Variants in CCNY observed in about 807,000 individuals in gnomAD.
CCNY encodes the protein cyclin-Y.
CCNY carries 19 observed loss-of-function variants against 42.8 expected under a neutral mutation model. That is an observed-to-expected ratio of 0.44 (90% CI 0.31 to 0.65). The LOEUF (loss-of-function observed/expected upper bound fraction) is 0.65. Ranked by LOEUF, CCNY falls within the 30% of genes least tolerant of loss-of-function variation. CCNY has a pLI of 0.07. For synonymous variants in CCNY, 165 were observed against 162.7 expected, an observed-to-expected ratio of 1.01 and a Z score of -0.11; for missense variants, 370 against 437.3, an observed-to-expected ratio of 0.85 and a Z score of 1.37.
intron 1 of CCNY, among the ~76,000 whole-genome samples, chr10:35,339,884 A>G (rs1004318919): frequency 6.6e-6 from 1 of 152,132 alleles, no homozygotes; most frequent in Non-Finnish European, 1.5e-5. Flanking sequence ...TTGATATTGG[A>G]CTCATGCTTT....
chr10:35,565,399 T>A (rs974657138), intron 8 of CCNY, among the ~76,000 whole-genome samples: 3 of 152,168 alleles, frequency 2.0e-5, no homozygotes, highest in Admixed American at 1.3e-4. Flanking sequence ...CTGTCTGTTC[T>A]AACAAGCCCA....
chr10:35,484,748 G>A (rs1007026919), intron 2 of CCNY, among the ~76,000 whole-genome samples: 2 of 152,102 alleles, frequency 1.3e-5, no homozygotes, highest in Admixed American at 1.3e-4. Context: ...AAGAAACATA[G>A]TACTATAAAA....
At chr10:35,410,680 CAAG>C (rs1233031503) in intron 1 of CCNY, among the ~76,000 whole-genome samples, 2 of 152,154 alleles carry the variant, frequency 1.3e-5, no homozygotes, top group African/African-American at 2.4e-5. Flanking sequence ...AGCTTAAGTT[CAAG>C]AAGAAGAAAT....
At chr10:35,384,067 C>T (rs1254113481) in intron 1 of CCNY, among the ~76,000 whole-genome samples, 1 of 152,114 alleles carries the variant, frequency 6.6e-6, no homozygotes, top group African/African-American at 2.4e-5. Context: ...AATTACAACT[C>T]CCTCACCATA....
intron 1 of CCNY, among the ~76,000 whole-genome samples, chr10:35,378,607 A>T (rs990230819): frequency 1.3e-5 from 2 of 152,086 alleles, no homozygotes; most frequent in African/African-American, 4.8e-5. Context: ...GAAGGACAGT[A>T]GAAGAGCAGA....
At chr10:35,456,943 A>G (rs1839049076) in intron 1 of CCNY, among the ~76,000 whole-genome samples, 1 of 152,186 alleles carries the variant, frequency 6.6e-6, no homozygotes, top group Non-Finnish European at 1.5e-5. Flanking sequence ...AAGAGGTTGA[A>G]TTGTTCTGCT....
chr10:35,319,658 G>T (rs1174876357), intron 3 of CCNY, among the ~76,000 whole-genome samples: 1 of 152,022 alleles, frequency 6.6e-6, no homozygotes. Flanking sequence ...GGTGAATTAC[G>T]AGGTCAGGAG....
At position 35,572,262 on chromosome 10, in the gene CCNY, C is replaced by T; in HGVS notation, c.*3092C>T. The T allele has an allele frequency of 6.6e-6, 1 of 152,156 alleles. No individual in the cohort carries two copies. Among genetic ancestry groups the T allele is most frequent in the Middle Eastern group, 3.4e-3 (1 of 294 alleles). The allele number at this position is 152,156 out of a possible 1,614,324, so 9.4% of individuals were successfully genotyped here. A position where few individuals can be genotyped will look rare whatever the true frequency, so the allele number is the denominator to read the frequency against. ...CTTTTGGTAACTTCTCACCTGGGGC[C>T]ATATTTTACAGATTTGAATTTTTTT... On this transcript the variant is annotated 3_prime_UTR_variant, in exon 10 of 10. Coordinates refer to ENST00000374704, the MANE Select transcript of CCNY (RefSeq NM_145012.6).
chr10:35,315,448 C>T (rs542980391), intron 3 of CCNY: 1 of 152,170 alleles, frequency 6.6e-6, no homozygotes, highest in East Asian at 1.9e-4. Flanking sequence ...TAATCTCATT[C>T]TTTTTTATGG....
At chr10:35,301,460 C>T (rs968746599) in intron 3 of CCNY, among the ~76,000 whole-genome samples, 1 of 152,138 alleles carries the variant, frequency 6.6e-6, no homozygotes, top group Non-Finnish European at 1.5e-5. Context: ...CACTTCACTT[C>T]CATGTAGTCC....
chr10:35,497,133 A>G (rs1470242377), intron 2 of CCNY, among the ~76,000 whole-genome samples: 1 of 152,218 alleles, frequency 6.6e-6, no homozygotes, highest in Non-Finnish European at 1.5e-5. Flanking sequence ...ATCCATATCA[A>G]TTTATTGCCT....
chr10:35,368,869 G>C (rs1836868437), intron 1 of CCNY, among the ~76,000 whole-genome samples: 2 of 152,186 alleles, frequency 1.3e-5, no homozygotes, highest in South Asian at 4.1e-4. Context: ...AGGTACCAGA[G>C]GAAGTGAGGC....
rs71523373 is a variant in CCNY, at chr10:35,291,528, CTTT to C, written c.-9+40921_-9+40923del. 3.3e-3 allele frequency among the ~76,000 whole-genome samples: 358 copies of C among 109,298 alleles called. 3 individuals are homozygous for C. Among genetic ancestry groups the C allele is most frequent in the African/African-American group, 0.013 (349 of 27,300 alleles). 71.7% of individuals were successfully genotyped at this position (109,298 alleles called of 152,430 possible). Reference sequence around the variant, plus strand: ...TGCTACAGCATTTGTGTACGACTTCCTTTTTTTTTTTTTTTTTTTTTGAGACAG... The same window carrying C: ...TGCTACAGCATTTGTGTACGACTTCCTTTTTTTTTTTTTTTTTTGAGACAG... On this transcript the variant is annotated intron_variant, in intron 3 of 11. Transcript: ENST00000374706.
At position 35,556,630 on chromosome 10, in the gene CCNY, G is replaced by T. The variant is rs1225066983; in HGVS notation, c.746+3445G>T. 2.0e-5 allele frequency among the ~76,000 whole-genome samples: 3 copies of T among 152,138 alleles called. No homozygotes were observed. The East Asian group carries it at 5.8e-4, about 29-fold the overall frequency. On this transcript the variant is annotated intron_variant, in intron 8 of 9. Coordinates refer to ENST00000374704, the MANE Select transcript of CCNY (RefSeq NM_145012.6). Reference sequence around the variant, plus strand: ...CCTGACAGAAGATTGGAGGGAGCATGGAGCTTCCTTCTGATAGGGGTAATA... The same window carrying T: ...CCTGACAGAAGATTGGAGGGAGCATTGAGCTTCCTTCTGATAGGGGTAATA...
intron 3 of CCNY, among the ~76,000 whole-genome samples, chr10:35,277,966 G>T (rs1335117291): frequency 6.6e-6 from 1 of 152,176 alleles, no homozygotes; most frequent in African/African-American, 2.4e-5. Context: ...AGCCAATAAT[G>T]ATCTCTAAGT....
Position 35,530,313 on chromosome 10 carries a change from C to T in CCNY, c.579+70C>T, listed in dbSNP as rs1389169082. On this transcript the variant is annotated intron_variant, in intron 7 of 9. Transcript: ENST00000374704. This position sits in a 1 kb window ranked among gnomAD's most constrained non-coding sequence, Gnocchi z 4.3. ...TCCAGGGCCCGTTCCTGTTACTCAG[C>T]GGAGTGAGGTTGGAGCAGGGAATCC... The T allele has an allele frequency of 1.3e-5, 20 of 1,594,404 alleles. No homozygotes were observed. The highest frequency in any genetic ancestry group is 1.2e-4 in the South Asian group (11 of 90,032).
chr10:35,316,692 A>G (rs1440172101), intron 3 of CCNY, among the ~76,000 whole-genome samples: 2 of 152,230 alleles, frequency 1.3e-5, no homozygotes, highest in Non-Finnish European at 2.9e-5. Flanking sequence ...TGGTTGTAAA[A>G]TTGTTTTAGT....
At chr10:35,369,810 C>G (rs1191741108) in intron 1 of CCNY, among the ~76,000 whole-genome samples, 2 of 152,108 alleles carry the variant, frequency 1.3e-5, no homozygotes, top group East Asian at 3.8e-4. Flanking sequence ...AATTTCTAAT[C>G]AATATTTTTA....
chr10:35,421,478 C>T (rs1838157811), intron 1 of CCNY, among the ~76,000 whole-genome samples: 2 of 152,150 alleles, frequency 1.3e-5, no homozygotes, highest in African/African-American at 4.8e-5. Context: ...ACCCCCGACC[C>T]AGGGAACACA....
Sources: gnomAD v4.1 joint callset for allele counts (sites outside exome capture counted in the v4.1 genomes callset) on GRCh38, gnomAD v4.1.1 for gene constraint, Gnocchi (gnomAD v3.1) non-coding constraint, MANE v1.5 for transcripts, NCBI Gene and HGNC (gene_info 2026-07-23, HGNC 2026-07-21) for gene names.